Variants in NKAIN2 observed in about 807,000 individuals in gnomAD.
NKAIN2 encodes sodium/potassium transporting ATPase interacting 2.
In NKAIN2, 14 loss-of-function variants were observed where a neutral mutation model predicts 32.6. That is an observed-to-expected ratio of 0.43 (90% CI 0.28 to 0.67). The LOEUF is 0.67. NKAIN2 is among the 30% of genes least tolerant of loss of function. The probability of loss-of-function intolerance (pLI) is 0.17; values close to 1 mark genes in which losing one functional copy is unlikely to be tolerated. For missense variants in NKAIN2, 198 were observed against 258.3 expected, an observed-to-expected ratio of 0.77 and a Z score of 1.60; for synonymous variants, 80 against 87.2, an observed-to-expected ratio of 0.92 and a Z score of 0.46.
At chr6:124,528,737 C>A (rs2114815337) in intron 3 of NKAIN2, among the ~76,000 whole-genome samples, 1 of 152,306 alleles carries the variant, frequency 6.6e-6, no homozygotes, top group Admixed American at 6.5e-5. Context: ...TAAAACATAT[C>A]ATTTCAACTG....
chr6:124,432,153 C>G (rs566659781), intron 3 of NKAIN2, among the ~76,000 whole-genome samples: 1 of 152,298 alleles, frequency 6.6e-6, no homozygotes, highest in South Asian at 2.1e-4. Context: ...TACTGCCATG[C>G]TTCAGAATCA....
chr6:124,695,331 C>T (rs1209504099), intron 4 of NKAIN2, among the ~76,000 whole-genome samples: 1 of 152,102 alleles, frequency 6.6e-6, no homozygotes. Flanking sequence ...AGAGATTGAC[C>T]AGCTCAGAAC....
intron 1 of NKAIN2, among the ~76,000 whole-genome samples, chr6:124,150,827 C>A (rs1787679660): frequency 6.6e-6 from 1 of 151,982 alleles, no homozygotes. Flanking sequence ...TCTTTATTAA[C>A]CCTGTGTGTT....
At chr6:124,110,332 CT>C (rs1194544292) in intron 1 of NKAIN2, among the ~76,000 whole-genome samples, 1 of 152,004 alleles carries the variant, frequency 6.6e-6, no homozygotes, top group African/African-American at 2.4e-5. Context: ...TCAGCATATA[CT>C]CATAATAAGG....
chr6:124,128,503 T>C (rs1392575147), intron 1 of NKAIN2, among the ~76,000 whole-genome samples: 2 of 152,202 alleles, frequency 1.3e-5, no homozygotes, highest in Non-Finnish European at 2.9e-5. Flanking sequence ...GAACTTTATA[T>C]GTACCCTTAA....
At chr6:124,462,777 G>A (rs933875115) in intron 3 of NKAIN2, among the ~76,000 whole-genome samples, 4 of 151,832 alleles carry the variant, frequency 2.6e-5, no homozygotes, top group Non-Finnish European at 4.4e-5. Context: ...TATGTACTTC[G>A]ATGTATATCT....
At chr6:124,324,082 C>T (rs1797319141) in intron 2 of NKAIN2, among the ~76,000 whole-genome samples, 1 of 152,138 alleles carries the variant, frequency 6.6e-6, no homozygotes, top group African/African-American at 2.4e-5. Context: ...TGAGTCACTG[C>T]ACCAGGCCTT....
At chr6:123,981,149 G>A (rs1007259636) in intron 1 of NKAIN2, among the ~76,000 whole-genome samples, 2 of 152,166 alleles carry the variant, frequency 1.3e-5, no homozygotes, top group Non-Finnish European at 2.9e-5. Flanking sequence ...TTGCAGGCGT[G>A]AGCCACCACG....
intron 2 of NKAIN2, among the ~76,000 whole-genome samples, chr6:124,334,296 T>G (rs555448100): frequency 6.6e-6 from 1 of 152,324 alleles, no homozygotes; most frequent in South Asian, 2.1e-4. Context: ...ATGTGATAGG[T>G]AACATCCAAA....
At chr6:124,046,984 T>C (rs987251666) in intron 1 of NKAIN2, among the ~76,000 whole-genome samples, 1 of 152,052 alleles carries the variant, frequency 6.6e-6, no homozygotes, top group Non-Finnish European at 1.5e-5. Flanking sequence ...TCTTAAGCTA[T>C]CAAAAATGCC....
chr6:123,807,629 G>C (rs1773274854), intron 1 of NKAIN2, among the ~76,000 whole-genome samples: 1 of 152,002 alleles, frequency 6.6e-6, no homozygotes, highest in African/African-American at 2.4e-5. Context: ...AAATTACTCT[G>C]ATATCTCTCA....
intron 3 of NKAIN2, among the ~76,000 whole-genome samples, chr6:124,431,373 A>G (rs2114565397): frequency 6.6e-6 from 1 of 152,302 alleles, no homozygotes; most frequent in African/African-American, 2.4e-5. Flanking sequence ...AATCAAAACA[A>G]AACCATGAAA....
intron 3 of NKAIN2, among the ~76,000 whole-genome samples, chr6:124,448,717 A>G (rs545825590): frequency 6.6e-6 from 1 of 152,256 alleles, no homozygotes; most frequent in South Asian, 2.1e-4. Context: ...GCCTACACTT[A>G]AGGAAACATG....
At chr6:123,808,158 A>C (rs1773297942) in intron 1 of NKAIN2, among the ~76,000 whole-genome samples, 2 of 152,152 alleles carry the variant, frequency 1.3e-5, no homozygotes, top group Non-Finnish European at 2.9e-5. Context: ...AGTAGCTTGA[A>C]AAGTGCAGGT....
At chr6:124,592,247 G>T (rs554852199) in intron 3 of NKAIN2, among the ~76,000 whole-genome samples, 1 of 152,194 alleles carries the variant, frequency 6.6e-6, no homozygotes, top group African/African-American at 2.4e-5. Context: ...AATACTTGAG[G>T]TTATTAGCTA....
At chr6:124,257,904 A>G (rs972494965) in intron 1 of NKAIN2, among the ~76,000 whole-genome samples, 9 of 150,002 alleles carry the variant, frequency 6.0e-5, no homozygotes, top group Non-Finnish European at 1.0e-4. Context: ...TCAGCCTCCC[A>G]AGTAGCTGGG....
intron 1 of NKAIN2, among the ~76,000 whole-genome samples, chr6:124,273,972 A>C (rs575326996): frequency 6.6e-6 from 1 of 152,314 alleles, no homozygotes; most frequent in East Asian, 1.9e-4. Flanking sequence ...ACTGAGTAAA[A>C]TTATAGGCTC....
chr6:124,315,570 A>C (rs1796914947), intron 2 of NKAIN2, among the ~76,000 whole-genome samples: 1 of 152,162 alleles, frequency 6.6e-6, no homozygotes, highest in African/African-American at 2.4e-5. Context: ...AACATATTGA[A>C]GACATGACTT....
intron 4 of NKAIN2, among the ~76,000 whole-genome samples, chr6:124,686,822 G>C (rs916019366): frequency 6.6e-6 from 1 of 152,126 alleles, no homozygotes; most frequent in Non-Finnish European, 1.5e-5. Flanking sequence ...GGGTGTGTCT[G>C]TGAGGGTGAT....
Sources: gnomAD v4.1 joint callset for allele counts (sites outside exome capture counted in the v4.1 genomes callset) on GRCh38, gnomAD v4.1.1 for gene constraint, MANE v1.5 for transcripts, NCBI Gene and HGNC (gene_info 2026-07-23, HGNC 2026-07-21) for gene names.